The following DLG2 variants were observed in gnomAD, a reference collection of about 807,000 sequenced individuals.
DLG2 encodes discs large MAGUK scaffold protein 2, also known as disks large homolog 2.
DLG2 carries 45 observed loss-of-function variants against 132.5 expected under a neutral mutation model. The ratio of observed to expected loss-of-function variants is 0.34; its 90% CI spans 0.27 to 0.44. DLG2 has a LOEUF of 0.44. Among genes scored for constraint, DLG2 ranks in the 20% least tolerant of loss-of-function variants. The pLI is 1.00. For missense variants in DLG2, 1,045 were observed against 1,196.9 expected, an observed-to-expected ratio of 0.87 and a Z score of 1.87; for synonymous variants, 424 against 419.6, an observed-to-expected ratio of 1.01 and a Z score of -0.13.
chr11:83,963,971 C>T (rs1284104508), intron 13 of DLG2, among the ~76,000 whole-genome samples: 3 of 151,928 alleles, frequency 2.0e-5, no homozygotes, highest in African/African-American at 4.8e-5. Context: ...TTTATATTCA[C>T]CTCTCCCATG....
At chr11:84,601,517 G>A (rs918252990) in intron 6 of DLG2, among the ~76,000 whole-genome samples, 3 of 151,920 alleles carry the variant, frequency 2.0e-5, no homozygotes, top group Non-Finnish European at 4.4e-5. Context: ...ATGTTGAAGA[G>A]AGCATGACTT....
At position 85,197,140 on chromosome 11, in the gene DLG2, T is replaced by A. The variant is rs552308353; in HGVS notation, c.187-42489A>T. ...ACAAGATTGCTAGGCCTCTATACAATCAGAGAGCTATATAATTTGGCAGAC... is the reference window on the plus strand; with the variant it reads ...ACAAGATTGCTAGGCCTCTATACAAACAGAGAGCTATATAATTTGGCAGAC... On this transcript the variant is annotated intron_variant, in intron 4 of 27. Coordinates refer to ENST00000376104, the MANE Select transcript of DLG2 (RefSeq NM_001142699.3). Among the ~76,000 whole-genome samples, 366 of 152,290 alleles carry A rather than the reference T, an allele frequency of 2.4e-3. 1 individual carries two copies. The highest frequency in any genetic ancestry group is 3.7e-3 in the Non-Finnish European group (253 of 68,004).
chr11:84,086,550 T>C (rs1165713284), intron 10 of DLG2, among the ~76,000 whole-genome samples: 1 of 150,512 alleles, frequency 6.6e-6, no homozygotes, highest in Non-Finnish European at 1.5e-5. Context: ...AGTGTAGTAG[T>C]GCAATCATGG....
At chr11:84,443,559 A>G (rs1044841640) in intron 7 of DLG2, among the ~76,000 whole-genome samples, 4 of 152,204 alleles carry the variant, frequency 2.6e-5, no homozygotes, top group Non-Finnish European at 5.9e-5. Flanking sequence ...TCAGTATTCT[A>G]TATAACACAG....
Position 84,514,121 on chromosome 11 carries a change from C to T in DLG2, c.519+20449G>A, listed in dbSNP as rs184471640. 7.2e-4 allele frequency among the ~76,000 whole-genome samples: 110 copies of T among 152,152 alleles called. 1 individual carries two copies. The highest frequency in any genetic ancestry group is 1.8e-4 in the Non-Finnish European group (12 of 67,964). Reference sequence around the variant, plus strand: ...AACATCACCGATCATCAGAGAAATGCAAGTCAAAACTACAAAGAGATATTA... The same window carrying T: ...AACATCACCGATCATCAGAGAAATGTAAGTCAAAACTACAAAGAGATATTA... On this transcript the variant is annotated intron_variant, in intron 7 of 27. Transcript: ENST00000376104.
intron 3 of DLG2, among the ~76,000 whole-genome samples, chr11:85,331,985 T>C (rs1305039330): frequency 6.6e-6 from 1 of 152,216 alleles, no homozygotes; most frequent in Non-Finnish European, 1.5e-5. Context: ...ATATACCCAG[T>C]AATGGCATTG....
chr11:84,865,952 C>A (rs2084491450), intron 6 of DLG2, among the ~76,000 whole-genome samples: 1 of 152,222 alleles, frequency 6.6e-6, no homozygotes. Context: ...ACCTTAGAAT[C>A]TGCTACAGGC....
intron 6 of DLG2, among the ~76,000 whole-genome samples, chr11:84,927,536 C>A (rs2047542779): frequency 6.6e-6 from 1 of 151,832 alleles, no homozygotes; most frequent in Non-Finnish European, 1.5e-5. Context: ...CTGTAAATGG[C>A]CGGATAATAA....
At chr11:83,695,907 C>T (rs903768202) in intron 18 of DLG2, among the ~76,000 whole-genome samples, 2 of 152,050 alleles carry the variant, frequency 1.3e-5, no homozygotes, top group Admixed American at 1.3e-4. Flanking sequence ...GTTATGGTCA[C>T]TGTAGACATT....
chr11:84,381,734 C>T lies in DLG2; in HGVS notation c.520-130443G>A, dbSNP rs139212994. Among the ~76,000 whole-genome samples the T allele has an allele frequency of 4.5e-4, 69 of 152,174 alleles. No homozygotes were observed. The East Asian group carries it at 0.013, about 28-fold the overall frequency. ...TATCATTTTCTGTGGTTATAAACAA[C>T]GAACTCTGATTAACTAAATCAGAAA... On this transcript the variant is annotated intron_variant, in intron 7 of 27. Transcript: ENST00000376104.
At chr11:83,589,210 A>G (rs1482779788) in intron 19 of DLG2, among the ~76,000 whole-genome samples, 1 of 151,972 alleles carries the variant, frequency 6.6e-6, no homozygotes, top group Non-Finnish European at 1.5e-5. Flanking sequence ...AAGTTGAAAA[A>G]AAGGAAAAAA....
intron 10 of DLG2, among the ~76,000 whole-genome samples, chr11:84,085,607 T>C (rs568143693): frequency 3.7e-4 from 57 of 152,348 alleles, no homozygotes; most frequent in Middle Eastern, 6.8e-3. Flanking sequence ...GACTCATAGC[T>C]AGTTAGTGGC....
At chr11:83,623,298 T>A (rs183954157) in intron 19 of DLG2, among the ~76,000 whole-genome samples, 4 of 152,308 alleles carry the variant, frequency 2.6e-5, no homozygotes, top group African/African-American at 7.2e-5. Context: ...CCATATTAAT[T>A]TGATTAACAA....
chr11:84,567,261 G>T (rs2099460643), intron 6 of DLG2, among the ~76,000 whole-genome samples: 1 of 152,126 alleles, frequency 6.6e-6, no homozygotes, highest in African/African-American at 2.4e-5. Flanking sequence ...ATGCCTAAAG[G>T]GTGACAAAGG....
intron 6 of DLG2, among the ~76,000 whole-genome samples, chr11:84,659,386 C>T (rs1356922033): frequency 2.0e-5 from 3 of 152,038 alleles, no homozygotes; most frequent in African/African-American, 7.2e-5. Flanking sequence ...TGCTCTAGGT[C>T]TAGACTGGAA....
chr11:85,158,466 T>G (rs1429600103), intron 4 of DLG2, among the ~76,000 whole-genome samples: 1 of 152,128 alleles, frequency 6.6e-6, no homozygotes, highest in African/African-American at 2.4e-5. Context: ...AGTGGATTAG[T>G]CACTTTAGAT....
At chr11:85,006,083 C>T (rs1167747689) in intron 6 of DLG2, among the ~76,000 whole-genome samples, 1 of 152,126 alleles carries the variant, frequency 6.6e-6, no homozygotes, top group Admixed American at 6.5e-5. Flanking sequence ...CCAACTTGAT[C>T]TTGGTGGATA....
At chr11:84,188,121 T>C (rs1197735352) in intron 8 of DLG2, among the ~76,000 whole-genome samples, 1 of 152,092 alleles carries the variant, frequency 6.6e-6, no homozygotes, top group East Asian at 1.9e-4. Context: ...AAAAATAACA[T>C]TTATGACCCA....
intron 6 of DLG2, among the ~76,000 whole-genome samples, chr11:85,069,172 A>C (rs2065391940): frequency 6.6e-6 from 1 of 151,268 alleles, no homozygotes; most frequent in South Asian, 2.1e-4. Flanking sequence ...TAAAGACTTA[A>C]ATGTTAGACC....
Sources: allele counts gnomAD v4.1 joint callset (sites outside exome capture counted in the v4.1 genomes callset), GRCh38; gene constraint gnomAD v4.1.1; transcripts MANE v1.5; gene names NCBI Gene and HGNC (gene_info 2026-07-23, HGNC 2026-07-21).